ST6GALNAC3: variants seen among roughly 807,000 people sequenced by gnomAD.
ST6GALNAC3 encodes the protein ST6 N-acetylgalactosaminide alpha-2,6-sialyltransferase 3, also known as alpha-N-acetylgalactosaminide alpha-2,6-sialyltransferase 3.
Under a neutral mutation model 32.7 loss-of-function variants are expected in ST6GALNAC3, and 25 were observed. The observed-to-expected ratio is 0.76, with a 90% confidence interval of 0.56 to 1.07. The LOEUF is 1.07. Ranked by LOEUF, ST6GALNAC3 falls within the 50% of genes least tolerant of loss-of-function variation. ST6GALNAC3 has a pLI of 0.00. For synonymous variants in ST6GALNAC3, 129 were observed against 133.1 expected (o/e 0.97, Z 0.21); for missense variants, 355 against 382.4 (o/e 0.93, Z 0.60).
At chr1:76,403,003 C>G (rs1254192326) in intron 2 of ST6GALNAC3, among the ~76,000 whole-genome samples, 1 of 151,848 alleles carries the variant, frequency 6.6e-6, no homozygotes, top group Non-Finnish European at 1.5e-5. Flanking sequence ...TCCTCTCAAA[C>G]TATAAGCCCT....
At chr1:76,321,687 G>A (rs185907939) in intron 2 of ST6GALNAC3, among the ~76,000 whole-genome samples, 184 of 152,256 alleles carry the variant, frequency 1.2e-3, no homozygotes, top group Non-Finnish European at 2.1e-3. Context: ...AGGGGTGAAC[G>A]CTGTCTATCT....
intron 3 of ST6GALNAC3, among the ~76,000 whole-genome samples, chr1:76,533,040 G>A (rs1011004110): frequency 6.6e-6 from 1 of 152,090 alleles, no homozygotes; most frequent in Non-Finnish European, 1.5e-5. Flanking sequence ...AATTTCCACT[G>A]GGCATAATAA....
chr1:76,282,866 T>TAAAAAAA (rs35306096), intron 1 of ST6GALNAC3, among the ~76,000 whole-genome samples: 5 of 139,346 alleles, frequency 3.6e-5, no homozygotes, highest in Non-Finnish European at 6.2e-5. Flanking sequence ...CCATCTCTAC[T>TAAAAAAA]AAAAAAAAAA....
At chr1:76,409,657 G>A in intron 2 of ST6GALNAC3, among the ~76,000 whole-genome samples, 1 of 152,046 alleles carries the variant, frequency 6.6e-6, no homozygotes, top group East Asian at 1.9e-4. Context: ...ACATGGGAAA[G>A]GCTGATGATT....
chr1:76,093,044 T>C (rs1201085312), intron 1 of ST6GALNAC3, among the ~76,000 whole-genome samples: 1 of 152,236 alleles, frequency 6.6e-6, no homozygotes, highest in East Asian at 1.9e-4. Context: ...TTGAACTGAA[T>C]GTTTGTTACA....
At chr1:76,525,806 T>TAC (rs1553133459) in intron 3 of ST6GALNAC3, among the ~76,000 whole-genome samples, 37 of 80,998 alleles carry the variant, frequency 4.6e-4, no homozygotes, top group African/African-American at 1.7e-3. Flanking sequence ...TATATATATA[T>TAC]ATATATATAT....
intron 3 of ST6GALNAC3, among the ~76,000 whole-genome samples, chr1:76,500,545 T>G (rs943510469): frequency 2.0e-5 from 3 of 152,218 alleles, no homozygotes. Flanking sequence ...CTTGAAGCTT[T>G]TTGTCTTACT....
chr1:76,435,763 T>C (rs1170596687), intron 3 of ST6GALNAC3, among the ~76,000 whole-genome samples: 1 of 152,176 alleles, frequency 6.6e-6, no homozygotes, highest in African/African-American at 2.4e-5. Context: ...CATGGTTGCA[T>C]TGGTAATTAG....
intron 3 of ST6GALNAC3, among the ~76,000 whole-genome samples, chr1:76,563,519 G>A (rs1273768075): frequency 6.6e-6 from 1 of 152,144 alleles, no homozygotes; most frequent in Non-Finnish European, 1.5e-5. Context: ...TTTCAAATCA[G>A]CAGCACCTTG....
chr1:76,533,030 AATTTCCACT>A, intron 3 of ST6GALNAC3, among the ~76,000 whole-genome samples: 2 of 152,250 alleles, frequency 1.3e-5, no homozygotes, highest in Admixed American at 1.3e-4. Flanking sequence ...AAAGATATTT[AATTTCCACT>A]GGGCATAATA....
At chr1:76,282,932 G>A (rs912482887) in intron 1 of ST6GALNAC3, among the ~76,000 whole-genome samples, 1 of 152,032 alleles carries the variant, frequency 6.6e-6, no homozygotes, top group African/African-American at 2.4e-5. Context: ...CCAGCTACTT[G>A]GGAGGCTGAG....
chr1:76,636,934 T>A (rs1047567302), downstream of ST6GALNAC3: 3 of 152,210 alleles, frequency 2.0e-5, no homozygotes, highest in Admixed American at 2.0e-4. Context: ...AGTGTCTAGT[T>A]GGTAAATGAC....
chr1:76,168,617 CT>C (rs1652277756), intron 1 of ST6GALNAC3, among the ~76,000 whole-genome samples: 1 of 152,184 alleles, frequency 6.6e-6, no homozygotes, highest in South Asian at 2.1e-4. Context: ...CTTTGAAAGT[CT>C]CTAATAACTT....
intron 1 of ST6GALNAC3, among the ~76,000 whole-genome samples, chr1:76,180,255 A>G (rs1653094762): frequency 6.6e-6 from 1 of 152,218 alleles, no homozygotes; most frequent in African/African-American, 2.4e-5. Flanking sequence ...GACACTCAGT[A>G]AGTTACTTCT....
At chr1:76,284,693 C>G (rs1361898302) in intron 1 of ST6GALNAC3, among the ~76,000 whole-genome samples, 2 of 151,928 alleles carry the variant, frequency 1.3e-5, no homozygotes, top group African/African-American at 4.8e-5. Flanking sequence ...AAATATCAAA[C>G]CTGAAACGAT....
intron 1 of ST6GALNAC3, among the ~76,000 whole-genome samples, chr1:76,294,065 T>C (rs184063555): frequency 6.6e-6 from 1 of 152,280 alleles, no homozygotes; most frequent in Non-Finnish European, 1.5e-5. Flanking sequence ...ACTATACATT[T>C]GTTCAATGAA....
intron 2 of ST6GALNAC3, among the ~76,000 whole-genome samples, chr1:76,341,608 T>TCTTC (rs1647983307): frequency 3.5e-5 from 2 of 57,604 alleles, no homozygotes; most frequent in South Asian, 6.7e-4. Context: ...AAACTGCTTT[T>TCTTC]CTTTCTTTCT....
At chr1:76,104,054 CT>C (rs1371510445) in intron 1 of ST6GALNAC3, among the ~76,000 whole-genome samples, 2 of 152,242 alleles carry the variant, frequency 1.3e-5, no homozygotes, top group East Asian at 3.9e-4. Context: ...ATAATTTTCT[CT>C]TTCTATAAAT....
intron 1 of ST6GALNAC3, among the ~76,000 whole-genome samples, chr1:76,181,121 G>A (rs1037664748): frequency 2.0e-5 from 3 of 152,214 alleles, no homozygotes; most frequent in Non-Finnish European, 4.4e-5. Context: ...CCGTCTGCAT[G>A]CTCCCACTCC....
Sources: gnomAD v4.1 joint callset for allele counts (sites outside exome capture counted in the v4.1 genomes callset) on GRCh38, gnomAD v4.1.1 for gene constraint, MANE v1.5 for transcripts, NCBI Gene and HGNC (gene_info 2026-07-23, HGNC 2026-07-21) for gene names.